SCMH1: variants seen among roughly 807,000 people sequenced by gnomAD.
SCMH1 encodes polycomb protein SCMH1.
SCMH1 carries 37 observed loss-of-function variants against 70.8 expected under a neutral mutation model. The observed-to-expected ratio is 0.52, with a 90% confidence interval of 0.40 to 0.69. The LOEUF is 0.69. SCMH1 is among the 30% of genes least tolerant of loss of function. The pLI, the probability that SCMH1 is intolerant of heterozygous loss-of-function variation, is 0.00. For missense variants in SCMH1, 607 were observed against 827.3 expected, an observed-to-expected ratio of 0.73 and a Z score of 3.27; for synonymous variants, 292 against 307.4, an observed-to-expected ratio of 0.95 and a Z score of 0.52.
chr1:41,241,604 C>T (rs571697203), intron 1 of SCMH1, among the ~76,000 whole-genome samples: 2 of 152,246 alleles, frequency 1.3e-5, no homozygotes, highest in Admixed American at 6.5e-5. Flanking sequence ...CGGAGGGGAC[C>T]GACTGACCCG....
chr1:41,119,897 A>C (rs1177313398), intron 6 of SCMH1, among the ~76,000 whole-genome samples: 1 of 151,830 alleles, frequency 6.6e-6, no homozygotes. Context: ...TTTAACTGCT[A>C]CTCTTCTTTT....
chr1:41,056,743 C>T (rs1410418376), intron 10 of SCMH1, among the ~76,000 whole-genome samples: 6 of 152,172 alleles, frequency 3.9e-5, no homozygotes, highest in Admixed American at 3.3e-4. Flanking sequence ...TTGTCAGAGG[C>T]TCAGTGTGAA....
Position 41,186,000 on chromosome 1 carries a change from T to C in SCMH1, c.13+121A>G, listed in dbSNP as rs922705225. 91 of 1,044,328 alleles carry C rather than the reference T, an allele frequency of 8.7e-5. 1 individual carries two copies. Among genetic ancestry groups the C allele is most frequent in the Non-Finnish European group, 1.2e-4 (91 of 746,708 alleles). The allele number at this position is 1,044,328 out of a possible 1,614,324, so 64.7% of individuals were successfully genotyped here. On this transcript the variant is annotated intron_variant, in intron 2 of 14. Coordinates refer to ENST00000337495, the Ensembl canonical transcript of SCMH1. ...ATTCATGCCAATGACAAAAATGACA[T>C]CATGGCTATAAAGAAAAGGATAACG...
intron 10 of SCMH1, among the ~76,000 whole-genome samples, chr1:41,065,018 G>A (rs1301968111): frequency 2.0e-5 from 3 of 152,084 alleles, no homozygotes; most frequent in Admixed American, 2.0e-4. Flanking sequence ...ATTTATATGA[G>A]GAAAACTAGA....
chr1:41,170,249 T>C (rs1009944891), intron 2 of SCMH1, among the ~76,000 whole-genome samples: 1 of 152,190 alleles, frequency 6.6e-6, no homozygotes, highest in Non-Finnish European at 1.5e-5. Context: ...TGAAGAATCT[T>C]AAGTTAGGAT....
chr1:41,233,542 A>G (rs1412855201), intron 1 of SCMH1, among the ~76,000 whole-genome samples: 1 of 152,196 alleles, frequency 6.6e-6, no homozygotes, highest in Non-Finnish European at 1.5e-5. Context: ...GTCCCTGATT[A>G]TATCTTCTTC....
At chr1:41,206,873 G>T (rs1162267056) in intron 1 of SCMH1, among the ~76,000 whole-genome samples, 2 of 152,204 alleles carry the variant, frequency 1.3e-5, no homozygotes, top group African/African-American at 4.8e-5. Context: ...AGAAGCGAGT[G>T]GGGGCCAATA....
intron 10 of SCMH1, among the ~76,000 whole-genome samples, chr1:41,061,645 C>T (rs990985081): frequency 6.6e-6 from 1 of 152,060 alleles, no homozygotes; most frequent in Non-Finnish European, 1.5e-5. Context: ...ACTTCAACAC[C>T]CCCCATCAGA....
intron 2 of SCMH1, among the ~76,000 whole-genome samples, chr1:41,177,787 A>AGAATG (rs1647394801): frequency 1.3e-5 from 2 of 152,226 alleles, no homozygotes; most frequent in South Asian, 4.1e-4. Context: ...AGTGATGGGG[A>AGAATG]GAATGGAACC....
At chr1:41,062,918 C>CTAA (rs1653265269) in intron 10 of SCMH1, among the ~76,000 whole-genome samples, 1 of 109,872 alleles carries the variant, frequency 9.1e-6, no homozygotes. Flanking sequence ...GACTCCATCT[C>CTAA]AAAAAAAAAA....
At chr1:41,075,161 G>T in intron 9 of SCMH1, 58 bp downstream of exon 9, 1 of 1,554,406 alleles carries the variant, frequency 6.4e-7, no homozygotes, top group Non-Finnish European at 8.9e-7. Context: ...ACGGCGCCTG[G>T]CCGAATGACC....
At chr1:41,185,634 A>C (rs1236444227) in intron 2 of SCMH1, among the ~76,000 whole-genome samples, 2 of 148,936 alleles carry the variant, frequency 1.3e-5, no homozygotes, top group Non-Finnish European at 3.0e-5. Flanking sequence ...AAATTGTTAC[A>C]GATTTTTTTT....
chr1:41,166,293 C>G (rs983688748), intron 2 of SCMH1, among the ~76,000 whole-genome samples: 31 of 152,152 alleles, frequency 2.0e-4, no homozygotes, highest in Non-Finnish European at 4.3e-4. Flanking sequence ...CAGCTTTGCT[C>G]TTTTTGGTCA....
intron 2 of SCMH1, among the ~76,000 whole-genome samples, chr1:41,183,466 T>A (rs1188734245): frequency 2.0e-5 from 3 of 152,200 alleles, no homozygotes; most frequent in African/African-American, 7.2e-5. Context: ...TCCCCTTTTC[T>A]CTATTTGGGA....
At chr1:41,058,827 T>G (rs2148789880) in intron 10 of SCMH1, among the ~76,000 whole-genome samples, 1 of 152,268 alleles carries the variant, frequency 6.6e-6, no homozygotes, top group East Asian at 1.9e-4. Flanking sequence ...AAAGTAAAAA[T>G]CAATTATGCA....
chr1:41,215,701 A>G (rs1436289085), intron 1 of SCMH1, among the ~76,000 whole-genome samples: 1 of 152,110 alleles, frequency 6.6e-6, no homozygotes. Context: ...TTCCTCTTGT[A>G]TGCTACATTT....
intron 1 of SCMH1, among the ~76,000 whole-genome samples, chr1:41,201,682 G>A (rs1388405738): frequency 6.6e-6 from 1 of 152,084 alleles, no homozygotes; most frequent in South Asian, 2.1e-4. Context: ...CTGTGACTCC[G>A]AAATGGTAAA....
intron 10 of SCMH1, among the ~76,000 whole-genome samples, chr1:41,049,693 G>A (rs973746933): frequency 2.7e-5 from 4 of 149,840 alleles, no homozygotes; most frequent in Non-Finnish European, 5.9e-5. Context: ...CTTGAACCTG[G>A]AAGGTGGAGC....
rs559115046 is a variant in SCMH1 at position 41,134,519 on chromosome 1, G to A, written c.412+8359C>T. 6.6e-5 allele frequency among the ~76,000 whole-genome samples: 10 copies of A among 152,286 alleles called. No individual in the cohort carries two copies. The East Asian group carries it at 1.9e-3, about 29-fold the overall frequency. On this transcript the variant is annotated intron_variant, in intron 6 of 14. Coordinates refer to ENST00000337495, the Ensembl canonical transcript of SCMH1. ...GTCTCTGTTCACAGATGACACGATT[G>A]TATATTCAGAAAACCCCATCTTCTC... is the stretch of plus-strand genomic sequence containing the variant.
Sources: gnomAD v4.1 joint callset for allele counts (sites outside exome capture counted in the v4.1 genomes callset) on GRCh38, gnomAD v4.1.1 for gene constraint, MANE v1.5 for transcripts, NCBI Gene and HGNC (gene_info 2026-07-23, HGNC 2026-07-21) for gene names.